AK5: variants seen among roughly 807,000 people sequenced by gnomAD.
The protein encoded by AK5 is adenylate kinase isoenzyme 5.
In AK5, 27 loss-of-function variants were observed where a neutral mutation model predicts 69.5. The observed-to-expected ratio is 0.39, with a 90% CI of 0.29 to 0.54. The LOEUF is 0.54. Ranked by LOEUF, AK5 falls within the 20% of genes least tolerant of loss-of-function variation. AK5 has a pLI of 0.71. For missense variants in AK5, 531 were observed against 700.4 expected (o/e 0.76, Z 2.73); for synonymous variants, 260 against 244.4 (o/e 1.06, Z -0.60).
At chr1:77,391,387 A>G (rs2100525963) in intron 6 of AK5, among the ~76,000 whole-genome samples, 2 of 142,976 alleles carry the variant, frequency 1.4e-5, no homozygotes, top group East Asian at 3.9e-4. Flanking sequence ...ATGCAAAAAA[A>G]AAAATATATA....
chr1:77,285,297 G>A lies in AK5; in HGVS notation c.61-1644G>A, dbSNP rs149949928. 4.1e-4 allele frequency among the ~76,000 whole-genome samples: 63 copies of A among 152,336 alleles called. No homozygotes were observed. The East Asian group carries it at 7.5e-3, about 18-fold the overall frequency. On this transcript the variant is annotated intron_variant, in intron 1 of 13. Coordinates refer to ENST00000354567, the MANE Select transcript of AK5 (RefSeq NM_174858.3). ...TGAGAAGCTCAACTGCAATGTGTGT[G>A]TATATGGGACAGATTTTGACAAACA... is the stretch of plus-strand genomic sequence containing the variant.
chr1:77,282,718 C>G (rs779163799), intron 1 of AK5: 6 of 1,067,540 alleles, frequency 5.6e-6, no homozygotes, highest in Non-Finnish European at 6.8e-6. Flanking sequence ...AGGGCCAGGT[C>G]AGGTGGCTGC....
At chr1:77,463,928 G>A (rs932643924) in intron 8 of AK5, among the ~76,000 whole-genome samples, 1 of 152,222 alleles carries the variant, frequency 6.6e-6, no homozygotes, top group Non-Finnish European at 1.5e-5. Flanking sequence ...TGCTTAAGCA[G>A]AGTCCAATAG....
intron 6 of AK5, among the ~76,000 whole-genome samples, chr1:77,405,817 C>T (rs7546409): frequency 0.89 from 135,941 of 152,168 alleles, 61,086 homozygotes; most frequent in Non-Finnish European, 0.95. Flanking sequence ...CCATGTAGCC[C>T]TTCTGGAGAC....
chr1:77,395,306 C>A (rs1347557573), intron 6 of AK5, among the ~76,000 whole-genome samples: 1 of 152,182 alleles, frequency 6.6e-6, no homozygotes, highest in Non-Finnish European at 1.5e-5. Flanking sequence ...TTAAAATTGG[C>A]ATTAATTTTG....
At chr1:77,301,150 T>C (rs1335431695) in intron 5 of AK5, among the ~76,000 whole-genome samples, 1 of 152,192 alleles carries the variant, frequency 6.6e-6, no homozygotes, top group Non-Finnish European at 1.5e-5. Flanking sequence ...TGGAATAGTC[T>C]CCATATGAAC....
At chr1:77,386,541 G>C (rs769482877) in intron 6 of AK5, among the ~76,000 whole-genome samples, 6 of 152,170 alleles carry the variant, frequency 3.9e-5, no homozygotes, top group Non-Finnish European at 8.8e-5. Context: ...GATATGTATT[G>C]AAAGGGTGGG....
chr1:77,460,484 A>C (rs760897680), intron 8 of AK5, among the ~76,000 whole-genome samples: 1 of 152,218 alleles, frequency 6.6e-6, no homozygotes, highest in South Asian at 2.1e-4. Flanking sequence ...TATAATCTCC[A>C]CTGTCTTTTA....
rs138863563 is a variant in AK5, at chr1:77,498,299, G to A, written c.1147+11947G>A. ...GGAAGGGGTAAAGCCAGACGGTTACGGGTGACTAGGAAGTAAGTAAATGGG... is the reference window on the plus strand; with the variant it reads ...GGAAGGGGTAAAGCCAGACGGTTACAGGTGACTAGGAAGTAAGTAAATGGG... On this transcript the variant is annotated intron_variant, in intron 10 of 13. Coordinates refer to ENST00000354567, the MANE Select transcript of AK5 (RefSeq NM_174858.3). Among the ~76,000 whole-genome samples the A allele has an allele frequency of 3.8e-3, 574 of 152,276 alleles. 2 individuals are homozygous for A. Among genetic ancestry groups the A allele is most frequent in the African/African-American group, 0.013 (560 of 41,558 alleles).
chr1:77,368,906 C>T (rs2100469366), intron 6 of AK5, among the ~76,000 whole-genome samples: 1 of 152,188 alleles, frequency 6.6e-6, no homozygotes, highest in East Asian at 1.9e-4. Context: ...CCTTAGTCAA[C>T]CTATAATATT....
chr1:77,537,836 G>T (rs1274825119), intron 13 of AK5, among the ~76,000 whole-genome samples: 1 of 152,198 alleles, frequency 6.6e-6, no homozygotes, highest in African/African-American at 2.4e-5. Flanking sequence ...TGGCATGAGA[G>T]ACATAATCCC....
At chr1:77,391,607 G>A (rs1041673168) in intron 6 of AK5, among the ~76,000 whole-genome samples, 8 of 149,484 alleles carry the variant, frequency 5.4e-5, no homozygotes, top group African/African-American at 2.0e-4. Context: ...CAGATGGATA[G>A]GTGCTACAAA....
chr1:77,351,521 C>T (rs1400250450), intron 6 of AK5, among the ~76,000 whole-genome samples: 2 of 152,166 alleles, frequency 1.3e-5, no homozygotes, highest in African/African-American at 4.8e-5. Flanking sequence ...TCATCAAGGA[C>T]CCAGGCCCCT....
intron 5 of AK5, among the ~76,000 whole-genome samples, chr1:77,298,813 G>C (rs1353035028): frequency 1.3e-5 from 2 of 152,104 alleles, no homozygotes; most frequent in African/African-American, 2.4e-5. Context: ...TTCAGCCTGG[G>C]TGACACAGCA....
chr1:77,430,823 A>G (rs1651587571), intron 8 of AK5, among the ~76,000 whole-genome samples: 1 of 152,224 alleles, frequency 6.6e-6, no homozygotes, highest in Admixed American at 6.5e-5. Context: ...CTGGAAAATA[A>G]TCATTGAATA....
At chr1:77,387,132 T>G (rs1406938922) in intron 6 of AK5, among the ~76,000 whole-genome samples, 1 of 152,214 alleles carries the variant, frequency 6.6e-6, no homozygotes, top group Non-Finnish European at 1.5e-5. Flanking sequence ...TTAGCTATGG[T>G]GAATAGTGCT....
intron 6 of AK5, among the ~76,000 whole-genome samples, chr1:77,392,763 T>C (rs1481957741): frequency 2.0e-5 from 3 of 150,648 alleles, no homozygotes; most frequent in Admixed American, 6.6e-5. Context: ...AAGGAATGAT[T>C]GCTGGGTTTT....
rs74092647 is a variant in AK5 at position 77,456,363 on chromosome 1, A to G, written c.1060-26954A>G. Among the ~76,000 whole-genome samples the G allele has an allele frequency of 9.4e-3, 1,429 of 152,334 alleles. 21 individuals carry two copies. The highest frequency in any genetic ancestry group is 0.033 in the African/African-American group (1,367 of 41,570). On this transcript the variant is annotated intron_variant, in intron 8 of 13. Coordinates refer to ENST00000354567, the MANE Select transcript of AK5 (RefSeq NM_174858.3). Reference sequence around the variant, plus strand: ...CCAACCTGACTGCAGCTCTCACCTCAGCATGGAGAGGTTTCACTTGGCATC... The same window carrying G: ...CCAACCTGACTGCAGCTCTCACCTCGGCATGGAGAGGTTTCACTTGGCATC...
At chr1:77,544,690 C>T (rs1659453996) in intron 13 of AK5, among the ~76,000 whole-genome samples, 1 of 152,108 alleles carries the variant, frequency 6.6e-6, no homozygotes, top group Non-Finnish European at 1.5e-5. Flanking sequence ...CAGTAACATG[C>T]ATGGAGCTGT....
Sources: gnomAD v4.1 joint callset for allele counts (sites outside exome capture counted in the v4.1 genomes callset) on GRCh38, gnomAD v4.1.1 for gene constraint, MANE v1.5 for transcripts, NCBI Gene and HGNC (gene_info 2026-07-23, HGNC 2026-07-21) for gene names.